LIPC: variants seen among roughly 807,000 people sequenced by gnomAD.
LIPC encodes the protein hepatic triacylglycerol lipase.
LIPC carries 44 observed loss-of-function variants against 50.7 expected under a neutral mutation model. The observed-to-expected ratio is 0.87, with a 90% CI of 0.68 to 1.11. The LOEUF is 1.11. LIPC is among the 50% of genes most tolerant of loss of function. The pLI, the probability that LIPC is intolerant of heterozygous loss-of-function variation, is 0.00. For synonymous variants in LIPC, 271 were observed against 256.4 expected, an observed-to-expected ratio of 1.06 and a Z score of -0.54; for missense variants, 697 against 648.2, an observed-to-expected ratio of 1.08 and a Z score of -0.82.
At chr15:58,498,544 G>C (rs1023253817) in intron 1 of LIPC, 1 of 152,074 alleles carries the variant, frequency 6.6e-6, no homozygotes, top group Non-Finnish European at 1.5e-5. Flanking sequence ...TATATCCCTG[G>C]TGCTAAAACT....
intron 1 of LIPC, among the ~76,000 whole-genome samples, chr15:58,532,777 T>C (rs1243710753): frequency 6.6e-6 from 1 of 152,098 alleles, no homozygotes; most frequent in African/African-American, 2.4e-5. Context: ...CCCACCTCAA[T>C]TGCCTGCAGT....
At chr15:58,560,567 G>T (rs867277094) in intron 6 of LIPC, among the ~76,000 whole-genome samples, 2 of 152,182 alleles carry the variant, frequency 1.3e-5, no homozygotes, top group South Asian at 2.1e-4. Flanking sequence ...CTTGCATCTA[G>T]AACTCAGTGA....
chr15:58,543,207 A>G (rs1467722548), intron 4 of LIPC, among the ~76,000 whole-genome samples: 1 of 152,152 alleles, frequency 6.6e-6, no homozygotes, highest in Non-Finnish European at 1.5e-5. Context: ...CCTTCCTCCC[A>G]GGCTTCCGTG....
At chr15:58,545,690 C>T in intron 4 of LIPC, 52 bp from the exon 5 acceptor site, 1 of 1,479,212 alleles carries the variant, frequency 6.8e-7, no homozygotes, top group East Asian at 2.3e-5. Flanking sequence ...AAGCACATCT[C>T]TCTTCCCCTC....
At chr15:58,536,990 G>A (rs754309640) in intron 1 of LIPC, among the ~76,000 whole-genome samples, 4 of 152,188 alleles carry the variant, frequency 2.6e-5, no homozygotes, top group Non-Finnish European at 5.9e-5. Context: ...TTTATTCTCA[G>A]AAAGAATGAT....
intron 1 of LIPC, among the ~76,000 whole-genome samples, chr15:58,493,823 C>T (rs1360269808): frequency 6.6e-6 from 1 of 151,376 alleles, no homozygotes; most frequent in Non-Finnish European, 1.5e-5. Context: ...GAAATTGAAA[C>T]CTCCTTAAGC....
In LIPC at chr15:58,547,565, T is replaced by C. The variant is rs556930982; in HGVS notation, c.809-765T>C. Among the ~76,000 whole-genome samples the C allele has an allele frequency of 5.9e-5, 9 of 152,048 alleles. No homozygotes were observed. The South Asian group carries it at 1.9e-3, about 32-fold the overall frequency. ...CCCTTTACAGCAAGTGTTTCACATA[T>C]CTTGTGGTGGTTCCTCAACATCCCT... is the stretch of plus-strand genomic sequence containing the variant. On this transcript the variant is annotated intron_variant, in intron 5 of 8. Transcript: ENST00000299022.
intron 1 of LIPC, among the ~76,000 whole-genome samples, chr15:58,495,698 C>G (rs1891741254): frequency 6.6e-6 from 1 of 152,198 alleles, no homozygotes; most frequent in Non-Finnish European, 1.5e-5. Context: ...GATTCATGCC[C>G]AAGCAGTCCA....
At chr15:58,566,841 G>A (rs2140962759) in intron 8 of LIPC, among the ~76,000 whole-genome samples, 1 of 152,202 alleles carries the variant, frequency 6.6e-6, no homozygotes, top group African/African-American at 2.4e-5. Flanking sequence ...AGTTTGGCAG[G>A]AATTCAAAAA....
chr15:58,568,225 G>T (rs1423918479), intron 8 of LIPC, among the ~76,000 whole-genome samples: 1 of 152,192 alleles, frequency 6.6e-6, no homozygotes, highest in Non-Finnish European at 1.5e-5. Flanking sequence ...AGGGCTTACA[G>T]GGCTGAGCCA....
At chr15:58,471,328 T>TGGCG (rs1555399296) in intron 1 of LIPC, among the ~76,000 whole-genome samples, 9 of 114,182 alleles carry the variant, frequency 7.9e-5, no homozygotes, top group Non-Finnish European at 1.1e-4. Context: ...TTAGTAGAGA[T>TGGCG]GGGGGGGGGT....
In LIPC at chr15:58,564,482, C is replaced by G. The variant is rs1894290333; in HGVS notation, c.1388+759C>G. Among the ~76,000 whole-genome samples, 3 of 7,462 alleles carry G rather than the reference C, an allele frequency of 4.0e-4. No individual in the cohort carries two copies. In the Admixed American group the frequency reaches 0.01, roughly 26 times the overall value. The allele number at this position is 7,462 out of a possible 152,430, so 4.9% of individuals were successfully genotyped here. A position where few individuals can be genotyped will look rare whatever the true frequency, so the allele number is the denominator to read the frequency against. On this transcript the variant is annotated intron_variant, in intron 8 of 8. Transcript: ENST00000299022. The stretch of plus-strand genomic sequence containing the variant: ...GTGGCTCACACCTGTAATCCCAGCA[C>G]TTTGGGAGGCCTTGGCGGGCGGATC...
intron 1 of LIPC, among the ~76,000 whole-genome samples, chr15:58,441,060 G>A (rs1893491692): frequency 6.6e-6 from 1 of 152,174 alleles, no homozygotes; most frequent in Non-Finnish European, 1.5e-5. Context: ...ACTTATCTCA[G>A]CCTGGCTAAA....
chr15:58,506,958 G>A (rs749738426), intron 1 of LIPC, among the ~76,000 whole-genome samples: 2 of 152,214 alleles, frequency 1.3e-5, no homozygotes, highest in Non-Finnish European at 2.9e-5. Context: ...TCCGCAAATG[G>A]TGGCAACAAG....
chr15:58,529,287 G>C (rs1467890670), intron 1 of LIPC, among the ~76,000 whole-genome samples: 1 of 152,302 alleles, frequency 6.6e-6, no homozygotes, highest in East Asian at 1.9e-4. Flanking sequence ...CAGCTCCTGG[G>C]GAGCCTCCCT....
At chr15:58,533,102 C>T in intron 1 of LIPC, 1 of 948,766 alleles carries the variant, frequency 1.1e-6, no homozygotes. Flanking sequence ...TATTCCTCCT[C>T]CTAAAACCAC....
intron 1 of LIPC, among the ~76,000 whole-genome samples, chr15:58,450,569 G>A (rs751556281): frequency 1.2e-4 from 19 of 152,290 alleles, no homozygotes; most frequent in South Asian, 2.1e-4. Flanking sequence ...GTAGGAAATC[G>A]TCAGTTAAAG....
Position 58,499,673 on chromosome 15 carries a change from G to T in LIPC, c.89-38660G>T, listed in dbSNP as rs72740901. 8.2e-3 allele frequency among the ~76,000 whole-genome samples: 1,253 copies of T among 152,214 alleles called. 11 individuals carry two copies. The highest frequency in any genetic ancestry group is 0.011 in the Non-Finnish European group (724 of 68,006). ...CTGGTCCCTGTGTCTCTCCTGGGGG[G>T]ATCCATTTCTTATCCAGGCCCCAGC... On this transcript the variant is annotated intron_variant, in intron 1 of 8. Coordinates refer to ENST00000299022, the MANE Select transcript of LIPC (RefSeq NM_000236.3).
At chr15:58,518,333 C>T (rs1386730580) in intron 1 of LIPC, among the ~76,000 whole-genome samples, 4 of 152,262 alleles carry the variant, frequency 2.6e-5, no homozygotes, top group South Asian at 2.1e-4. Context: ...ATGCTGTCCA[C>T]GTGTTTGAGA....
Sources: gnomAD v4.1 joint callset for allele counts (sites outside exome capture counted in the v4.1 genomes callset) on GRCh38, gnomAD v4.1.1 for gene constraint, MANE v1.5 for transcripts, NCBI Gene and HGNC (gene_info 2026-07-23, HGNC 2026-07-21) for gene names.